The following MDGA2 variants were observed in gnomAD, a reference collection of about 807,000 sequenced individuals.
The protein encoded by MDGA2 is MAM domain-containing glycosylphosphatidylinositol anchor protein 2.
A neutral mutation model predicts 117.8 loss-of-function variants in MDGA2; 40 were observed. The ratio of observed to expected loss-of-function variants is 0.34; its 90% confidence interval spans 0.26 to 0.44. The LOEUF is 0.44. MDGA2 is among the 20% of genes least tolerant of loss of function. The pLI, the probability that MDGA2 is intolerant of heterozygous loss-of-function variation, is 1.00. For missense variants in MDGA2, 1,123 were observed against 1,250.6 expected (o/e 0.90, Z 1.54); for synonymous variants, 452 against 439.0 (o/e 1.03, Z -0.37).
intron 1 of MDGA2, among the ~76,000 whole-genome samples, chr14:47,506,814 G>A (rs1894523078): frequency 6.6e-6 from 1 of 152,128 alleles, no homozygotes; most frequent in Non-Finnish European, 1.5e-5. Context: ...CAGAAGGTGT[G>A]AAGTCAAACA....
At chr14:47,076,278 T>G (rs1343847495) in intron 6 of MDGA2, among the ~76,000 whole-genome samples, 3 of 152,024 alleles carry the variant, frequency 2.0e-5, no homozygotes, top group Non-Finnish European at 4.4e-5. Context: ...CTCTTTAACA[T>G]TAACTTTCTA....
chr14:47,636,494 C>T (rs1897322667), intron 1 of MDGA2, among the ~76,000 whole-genome samples: 1 of 152,044 alleles, frequency 6.6e-6, no homozygotes, highest in African/African-American at 2.4e-5. Context: ...TTAATAAATG[C>T]TTGAGTGGGC....
intron 1 of MDGA2, among the ~76,000 whole-genome samples, chr14:47,562,390 A>G (rs1039587075): frequency 6.6e-6 from 1 of 152,080 alleles, no homozygotes; most frequent in Non-Finnish European, 1.5e-5. Flanking sequence ...GTTGGTTGGC[A>G]GGCTTTTTAT....
intron 1 of MDGA2, among the ~76,000 whole-genome samples, chr14:47,659,612 G>T (rs1020504714): frequency 6.6e-6 from 1 of 152,114 alleles, no homozygotes; most frequent in Non-Finnish European, 1.5e-5. Flanking sequence ...ACAACATAGA[G>T]ATGTACTTAA....
At chr14:47,383,961 T>C (rs1594829312) in intron 1 of MDGA2, among the ~76,000 whole-genome samples, 3 of 133,772 alleles carry the variant, frequency 2.2e-5, no homozygotes, top group Non-Finnish European at 3.3e-5. Context: ...AAAGTCTCTA[T>C]GTATAGAGTT....
chr14:47,525,611 G>T (rs1314148656), intron 1 of MDGA2, among the ~76,000 whole-genome samples: 2 of 152,092 alleles, frequency 1.3e-5, no homozygotes, highest in East Asian at 3.9e-4. Flanking sequence ...CTTGAACCCG[G>T]AAGGCAGAGG....
At chr14:46,961,303 C>T (rs2138277405) in intron 8 of MDGA2, among the ~76,000 whole-genome samples, 1 of 152,064 alleles carries the variant, frequency 6.6e-6, no homozygotes, top group Admixed American at 6.6e-5. Context: ...TTAAATAACA[C>T]CTCTATTTCC....
At chr14:47,572,991 A>T (rs1896048566) in intron 1 of MDGA2, among the ~76,000 whole-genome samples, 1 of 152,174 alleles carries the variant, frequency 6.6e-6, no homozygotes, top group Non-Finnish European at 1.5e-5. Context: ...TAAAGGCAGA[A>T]ATTATGCTAA....
At chr14:47,052,576 AAAT>A (rs1191892897) in intron 7 of MDGA2, among the ~76,000 whole-genome samples, 1 of 151,948 alleles carries the variant, frequency 6.6e-6, no homozygotes, top group East Asian at 1.9e-4. Context: ...CAATTACAGG[AAAT>A]AATAGAATAC....
intron 9 of MDGA2, among the ~76,000 whole-genome samples, chr14:46,948,863 T>G (rs988072529): frequency 2.0e-5 from 3 of 152,008 alleles, no homozygotes; most frequent in Non-Finnish European, 4.4e-5. Context: ...ACCACACTTC[T>G]TTTCCAACCA....
At chr14:47,645,359 G>T (rs1227284582) in intron 1 of MDGA2, among the ~76,000 whole-genome samples, 1 of 151,458 alleles carries the variant, frequency 6.6e-6, no homozygotes, top group Non-Finnish European at 1.5e-5. Context: ...TTCTCCTCCC[G>T]AGTAGCTGGG....
At chr14:47,237,171 G>GA (rs1206142134) in intron 2 of MDGA2, among the ~76,000 whole-genome samples, 1 of 151,260 alleles carries the variant, frequency 6.6e-6, no homozygotes, top group Non-Finnish European at 1.5e-5. Context: ...CCTTGCTAAG[G>GA]AAAAAAATCA....
chr14:47,547,182 C>A (rs972587751), intron 1 of MDGA2, among the ~76,000 whole-genome samples: 2 of 152,016 alleles, frequency 1.3e-5, no homozygotes, highest in Non-Finnish European at 2.9e-5. Flanking sequence ...GACAGCACAA[C>A]AAGATTGAAT....
intron 1 of MDGA2, among the ~76,000 whole-genome samples, chr14:47,531,106 G>T (rs938582126): frequency 4.6e-5 from 7 of 152,186 alleles, no homozygotes; most frequent in Admixed American, 4.6e-4. Flanking sequence ...TTAGCCAGGC[G>T]TGGTGGTGGG....
intron 1 of MDGA2, among the ~76,000 whole-genome samples, chr14:47,609,432 T>C (rs1464867933): frequency 6.0e-5 from 4 of 66,864 alleles, no homozygotes; most frequent in Admixed American, 1.3e-4. Context: ...TTCCATCATA[T>C]ATATATATAT....
intron 8 of MDGA2, among the ~76,000 whole-genome samples, chr14:46,977,362 C>T (rs77824350): frequency 0.046 from 6,908 of 151,348 alleles, 551 homozygotes; most frequent in African/African-American, 0.16. Context: ...TTTCCTGTCA[C>T]AAGGACTGAC....
At chr14:47,418,254 T>G (rs1566446584) in intron 1 of MDGA2, among the ~76,000 whole-genome samples, 1 of 151,660 alleles carries the variant, frequency 6.6e-6, no homozygotes, top group African/African-American at 2.4e-5. Context: ...CCCAGCTAAT[T>G]TTTGTATTTT....
chr14:47,624,326 C>T (rs1458241753), intron 1 of MDGA2, among the ~76,000 whole-genome samples: 2 of 152,062 alleles, frequency 1.3e-5, no homozygotes, highest in Admixed American at 6.6e-5. Flanking sequence ...GGCATGGTGG[C>T]GGCCATCTGT....
At chr14:46,956,522 T>C (rs71418120) in intron 9 of MDGA2, among the ~76,000 whole-genome samples, 240 of 151,986 alleles carry the variant, frequency 1.6e-3, no homozygotes, top group Non-Finnish European at 2.7e-3. Flanking sequence ...AAAGACAAAA[T>C]TGAAAGTCAC....
Sources: gnomAD v4.1 joint callset for allele counts (sites outside exome capture counted in the v4.1 genomes callset) on GRCh38, gnomAD v4.1.1 for gene constraint, MANE v1.5 for transcripts, NCBI Gene and HGNC (gene_info 2026-07-23, HGNC 2026-07-21) for gene names.